The following RESF1 variants were observed in gnomAD, a reference collection of about 807,000 sequenced individuals.
RESF1 encodes the protein gonad expressed transcript.
Under a neutral mutation model 134.7 loss-of-function variants are expected in RESF1, and 65 were observed. The observed-to-expected ratio is 0.48, with a 90% CI of 0.40 to 0.59. The LOEUF is 0.59. RESF1 is among the 20% of genes least tolerant of loss of function. The pLI, the probability that RESF1 is intolerant of heterozygous loss-of-function variation, is 0.00. For missense variants in RESF1, 2,274 were observed against 2,002.7 expected (o/e 1.14, Z -2.59); for synonymous variants, 762 against 702.2 (o/e 1.09, Z -1.35).
rs765223109 is a variant in RESF1 at position 31,985,022 on chromosome 12, CATT to C, written c.4070_4072del (p.Leu1357del). The C allele has an allele frequency of 9.4e-6, 15 of 1,591,508 alleles. 1 individual carries two copies. The Admixed American group carries it at 9.5e-5, about 10-fold the overall frequency. On this transcript the variant is annotated inframe_deletion, in exon 4 of 6. Transcript: ENST00000312561. ...AAGAAGCATAGTTCTTTGGGACAGT[CATT>C]ATCACCAGAAAAGATAAAATTGAAA... is the stretch of plus-strand genomic sequence containing the variant.
At position 31,982,038 on chromosome 12, in the gene RESF1, T is replaced by G. The variant is rs1939809623; in HGVS notation, c.1083T>G (p.Val361=). 1 of 1,614,042 alleles carries G rather than the reference T, an allele frequency of 6.2e-7. No individual in the cohort carries two copies. Among genetic ancestry groups the G allele is most frequent in the Admixed American group, 1.7e-5 (1 of 59,994 alleles). The change falls in exon 4 of 6, where the codon GTT becomes GTG. Residue 361 remains valine, a synonymous_variant. Transcript: ENST00000312561. The part of the protein sequence containing the change: ...NSPIRSSVDG[V]QTLAQTNEEK... ...CCATTAGATCTTCTGTGGATGGTGT[T>G]CAGACTCTTGCTCAAACTAATGAAG...
chr12:31,979,012 C>G lies in RESF1; in HGVS notation c.-78-1866C>G, dbSNP rs749094175. ...CTGGGCTCACTGCAAGCTCCGCCTA[C>G]CGGGTTCTCACCATTCTCCTGCCTC... On this transcript the variant is annotated intron_variant, in intron 3 of 5. Coordinates refer to ENST00000312561, the MANE Select transcript of RESF1 (RefSeq NM_018169.4). Among the ~76,000 whole-genome samples, 79 of 150,622 alleles carry G rather than the reference C, an allele frequency of 5.2e-4. 1 individual carries two copies. The highest frequency in any genetic ancestry group is 1.0e-3 in the Non-Finnish European group (69 of 67,820).
Position 31,985,910 on chromosome 12 carries a change from G to A in RESF1, c.4955G>A (p.Arg1652Gln), listed in dbSNP as rs1181304293. ...AAGAATACAAACTCTGTGGAAGAAC[G>A]GAAGGATGTAAAGCCTCATCCTAGG... ...LLKNTNSVEE[R>Q]KDVKPHPRKE... Residue 1652 changes from arginine to glutamine, a missense_variant, in exon 4 of 6, where the codon CGG becomes CAG. By Grantham distance (43) the Arg-to-Gln change is conservative. Transcript: ENST00000312561. 3.3e-6 allele frequency: 5 copies of A among 1,511,902 alleles called. No individual in the cohort carries two copies. Among genetic ancestry groups the A allele is most frequent in the African/African-American group, 1.4e-5 (1 of 70,742 alleles). The allele number at this position is 1,511,902 out of a possible 1,614,324, so 93.7% of individuals were successfully genotyped here.
Position 31,982,630 on chromosome 12 carries a change from T to G in RESF1, c.1675T>G (p.Cys559Gly). The G allele has an allele frequency of 1.2e-6, 2 of 1,614,078 alleles. No homozygotes were observed. Among genetic ancestry groups the G allele is most frequent in the Non-Finnish European group, 1.7e-6 (2 of 1,180,028 alleles). ...AGTTGAGCAAAATTCACCAGCAGTTTGTGAAACAATTTCTGTTCCCAAGTC... is the reference window on the plus strand; with the variant it reads ...AGTTGAGCAAAATTCACCAGCAGTTGGTGAAACAATTTCTGTTCCCAAGTC... ...TKVEQNSPAV[C>G]ETISVPKSMS... The change falls in exon 4 of 6, where the codon TGT becomes GGT. Residue 559 changes from cysteine (C) to glycine (G), a missense_variant. Cys to Gly is a radical substitution (Grantham distance 159). Transcript: ENST00000312561.
chr12:31,985,720 T>G lies in RESF1; in HGVS notation c.4765T>G (p.Cys1589Gly), dbSNP rs1034500116. The change falls in exon 4 of 6, where the codon TGC becomes GGC. Residue 1589 changes from cysteine to glycine, a missense_variant. By Grantham distance (159) the Cys-to-Gly change is radical. Transcript: ENST00000312561. ...ATATCTGAATAGAGTTGGGTTTAAATGCACTGAACGTGAAAGCATTTCTCT... is the reference window on the plus strand; with the variant it reads ...ATATCTGAATAGAGTTGGGTTTAAAGGCACTGAACGTGAAAGCATTTCTCT... Reference protein sequence around the residue: ...KLYLNRVGFKCTERESISLTK... With the variant: ...KLYLNRVGFKGTERESISLTK... 1.9e-6 allele frequency: 3 copies of G among 1,600,672 alleles called. No individual in the cohort carries two copies. The South Asian group carries it at 3.4e-5, about 18-fold the overall frequency.
chr12:31,987,562 TAAGAGGTTTGC>T (rs771497192), intron 5 of RESF1, among the ~76,000 whole-genome samples: 4 of 152,082 alleles, frequency 2.6e-5, no homozygotes, highest in Non-Finnish European at 5.9e-5. Flanking sequence ...ATGAGTTAGC[TAAGAGGTTTGC>T]ATATTTTACC....
rs917583661 is a variant in RESF1 at position 31,983,212 on chromosome 12, A to G, written c.2257A>G (p.Thr753Ala). The G allele has an allele frequency of 1.2e-6, 2 of 1,609,744 alleles. No individual in the cohort carries two copies. Among genetic ancestry groups the G allele is most frequent in the African/African-American group, 1.3e-5 (1 of 74,660 alleles). Residue 753 changes from threonine to alanine, a missense_variant, in exon 4 of 6, where the codon ACA becomes GCA. Physicochemically the swap from Thr to Ala is moderately conservative, Grantham distance 58. Coordinates refer to ENST00000312561, the MANE Select transcript of RESF1 (RefSeq NM_018169.4). ...HNYESSGINI[T>A]KGTELQIAVV... ...TTATGAGTCTTCAGGTATAAATATAACAAAGGGAACAGAACTTCAGATAGC... is the reference window on the plus strand; with the variant it reads ...TTATGAGTCTTCAGGTATAAATATAGCAAAGGGAACAGAACTTCAGATAGC...
rs752891839 is a variant in RESF1, at chr12:31,981,844, A to G, written c.889A>G (p.Ile297Val). The change falls in exon 4 of 6, where the codon ATT (isoleucine) becomes GTT (valine). Residue 297 changes from isoleucine to valine, a missense_variant. Physicochemically the swap from Ile to Val is conservative, Grantham distance 29. Coordinates refer to ENST00000312561, the MANE Select transcript of RESF1 (RefSeq NM_018169.4). ...CCAGCCTTTGCAAAGTACTCAGCAT[A>G]TTACTAAACACTTGTCTATGGAAGT... Reference protein sequence around the residue: ...GSQPLQSTQHITKHLSMEVPQ... With the variant: ...GSQPLQSTQHVTKHLSMEVPQ... 1 of 1,614,120 alleles carries G rather than the reference A, an allele frequency of 6.2e-7. No homozygotes were observed. The highest frequency in any genetic ancestry group is 8.5e-7 in the Non-Finnish European group (1 of 1,180,044).
At position 31,960,539 on chromosome 12, in the gene RESF1, A is replaced by G. The variant is rs1025730858; in HGVS notation, c.-341-238A>G. Among the ~76,000 whole-genome samples, 4 of 152,226 alleles carry G rather than the reference A, an allele frequency of 2.6e-5. 1 individual carries two copies. Among genetic ancestry groups the G allele is most frequent in the Admixed American group, 2.6e-4 (4 of 15,278 alleles). ...CAGAGATAAAGTATTATTGTTTTGC[A>G]GTGATACTACAATAGCGGACCTAGA... On this transcript the variant is annotated intron_variant, in intron 1 of 5. Transcript: ENST00000312561.
At chr12:31,972,785 G>A (rs1308191428) in intron 3 of RESF1, among the ~76,000 whole-genome samples, 1 of 152,100 alleles carries the variant, frequency 6.6e-6, no homozygotes, top group Non-Finnish European at 1.5e-5. Context: ...CACACATCTG[G>A]TGTCAGAAGT....
chr12:31,983,875 AAGTC>A lies in RESF1; in HGVS notation c.2923_2926del (p.Glu976HisfsTer3), dbSNP rs1939879741. 5 of 1,613,762 alleles carry A rather than the reference AAGTC, an allele frequency of 3.1e-6. No homozygotes were observed. The highest frequency in any genetic ancestry group is 4.2e-6 in the Non-Finnish European group (5 of 1,180,022). On this transcript the variant is annotated frameshift_variant, in exon 4 of 6. Coordinates refer to ENST00000312561, the MANE Select transcript of RESF1 (RefSeq NM_018169.4). LOFTEE classifies it high-confidence loss of function. ...TTCACATAAAATATGTGATCAGTCA[AAGTC>A]AGAGCCACCCTTAGAGTCATCTTTT... is the stretch of plus-strand genomic sequence containing the variant.
chr12:31,985,497 C>G lies in RESF1; in HGVS notation c.4542C>G (p.Ser1514Arg). 1.2e-6 allele frequency: 2 copies of G among 1,603,826 alleles called. No individual in the cohort carries two copies. The highest frequency in any genetic ancestry group is 1.7e-6 in the Non-Finnish European group (2 of 1,177,150). The change falls in exon 4 of 6, where the codon AGC becomes AGG. Residue 1514 changes from serine (S) to arginine (R), a missense_variant. Coordinates refer to ENST00000312561, the MANE Select transcript of RESF1 (RefSeq NM_018169.4). The part of the protein sequence containing the change: ...TSKESLNGLT[S>R]HGKNLKIHHS... Reference sequence around the variant, plus strand: ...AAGAATCATTAAATGGCTTGACAAGCCATGGTAAAAACCTCAAAATCCACC... The same window carrying G: ...AAGAATCATTAAATGGCTTGACAAGGCATGGTAAAAACCTCAAAATCCACC...
intron 3 of RESF1, among the ~76,000 whole-genome samples, chr12:31,973,692 A>G (rs1939565136): frequency 6.6e-6 from 1 of 151,726 alleles, no homozygotes; most frequent in South Asian, 2.1e-4. Flanking sequence ...AAAAAAAACC[A>G]AATTAACATA....
chr12:31,984,112 G>T lies in RESF1; in HGVS notation c.3157G>T (p.Asp1053Tyr). ...TAAGGCACCTGTCTTATACCTACATGACCAGCTGTCAGAACTTCTAAAAGA... is the reference window on the plus strand; with the variant it reads ...TAAGGCACCTGTCTTATACCTACATTACCAGCTGTCAGAACTTCTAAAAGA... ...SDKAPVLYLH[D>Y]QLSELLKEFP... is the part of the protein sequence containing the mutation. The change falls in exon 4 of 6, where the codon GAC (aspartate) becomes TAC (tyrosine). Residue 1053 changes from aspartate (D) to tyrosine (Y), a missense_variant. Physicochemically the swap from Asp to Tyr is radical, Grantham distance 160. Transcript: ENST00000312561. 1 of 1,613,388 alleles carries T rather than the reference G, an allele frequency of 6.2e-7. No homozygotes were observed. Among genetic ancestry groups the T allele is most frequent in the South Asian group, 1.1e-5 (1 of 90,934 alleles).
intron 3 of RESF1, among the ~76,000 whole-genome samples, chr12:31,972,402 C>T (rs1460820804): frequency 1.3e-5 from 2 of 151,774 alleles, no homozygotes; most frequent in African/African-American, 2.4e-5. Context: ...GTCAGGAGAT[C>T]GAGACCATCC....
chr12:31,985,843 TCAAA>T lies in RESF1; in HGVS notation c.4891_4894del (p.Asn1631CysfsTer12). 1 of 1,563,964 alleles carries T rather than the reference TCAAA, an allele frequency of 6.4e-7. No individual in the cohort carries two copies. The highest frequency in any genetic ancestry group is 8.6e-7 in the Non-Finnish European group (1 of 1,163,422). On this transcript the variant is annotated frameshift_variant, in exon 4 of 6. Transcript: ENST00000312561. LOFTEE classifies it high-confidence loss of function. ...ACCGGTGAAAGGTAACACAGAAAAA[TCAAA>T]CATGCTGGAGTTTAAATTATGTCCA...
intron 3 of RESF1, among the ~76,000 whole-genome samples, chr12:31,972,605 C>CAA (rs71064904): frequency 1.4e-3 from 158 of 109,080 alleles, no homozygotes; most frequent in African/African-American, 3.4e-3. Flanking sequence ...GACTCCGTCT[C>CAA]AAAAAAAAAA....
chr12:31,978,860 T>C (rs1939700371), intron 3 of RESF1, among the ~76,000 whole-genome samples: 1 of 151,428 alleles, frequency 6.6e-6, no homozygotes, highest in African/African-American at 2.4e-5. Context: ...TGAGGCACTG[T>C]GCCCGGCAGT....
Position 31,982,079 on chromosome 12 carries a change from C to T in RESF1, c.1124C>T (p.Ser375Phe), listed in dbSNP as rs776169535. The change falls in exon 4 of 6, where the codon TCT becomes TTT. Residue 375 changes from serine to phenylalanine, a missense_variant. Physicochemically the swap from Ser to Phe is radical, Grantham distance 155. Transcript: ENST00000312561. ...ACTAATGAAGAGAAAATAATGGATT[C>T]TTGCAATCCAACTTCAAATCAAGTA... ...AQTNEEKIMD[S>F]CNPTSNQVLD... 3.7e-6 allele frequency: 6 copies of T among 1,613,978 alleles called. No individual in the cohort carries two copies. In the African/African-American group the frequency reaches 6.7e-5, roughly 18 times the overall value.
Sources: gnomAD v4.1 joint callset for allele counts (sites outside exome capture counted in the v4.1 genomes callset) on GRCh38, gnomAD v4.1.1 for gene constraint, MANE v1.5 for transcripts, NCBI Gene and HGNC (gene_info 2026-07-23, HGNC 2026-07-21) for gene names.